The following OSBPL5 variants were observed in gnomAD, a reference collection of about 807,000 sequenced individuals.
OSBPL5 encodes oxysterol-binding protein-related protein 5.
In OSBPL5, 71 loss-of-function variants were observed where a neutral mutation model predicts 111.2. That is an observed-to-expected ratio of 0.64 (90% CI 0.53 to 0.78). The LOEUF (loss-of-function observed/expected upper bound fraction) is 0.78, where lower values mean the gene tolerates loss of function less well. Among genes scored for constraint, OSBPL5 ranks in the 30% least tolerant of loss-of-function variants. The probability of loss-of-function intolerance (pLI) is 0.00; values close to 1 mark genes in which losing one functional copy is unlikely to be tolerated. For synonymous variants in OSBPL5, 549 were observed against 513.9 expected (o/e 1.07, Z -0.93); for missense variants, 1,210 against 1,189.3 (o/e 1.02, Z -0.26).
At chr11:3,100,595 G>C (rs959067201) in intron 13 of OSBPL5, among the ~76,000 whole-genome samples, 32 of 152,164 alleles carry the variant, frequency 2.1e-4, no homozygotes, top group Non-Finnish European at 4.0e-4. Flanking sequence ...CCTGTGGAGG[G>C]AGTACGCCTC....
intron 3 of OSBPL5, among the ~76,000 whole-genome samples, chr11:3,125,465 G>A (rs1343180201): frequency 6.6e-6 from 1 of 152,202 alleles, no homozygotes; most frequent in Non-Finnish European, 1.5e-5. Flanking sequence ...CATTAGAGAT[G>A]CAAACTGAAG....
chr11:3,159,675 C>T (rs781193931), intron 1 of OSBPL5, among the ~76,000 whole-genome samples: 19 of 152,282 alleles, frequency 1.2e-4, no homozygotes, highest in Middle Eastern at 6.8e-3. Flanking sequence ...AGACAGGGTG[C>T]ACCTGGGGAG....
rs1846994638 is a variant in OSBPL5 at position 3,162,466 on chromosome 11, T to G, written c.-22+2750A>C. Among the ~76,000 whole-genome samples, 1 of 151,858 alleles carries G rather than the reference T, an allele frequency of 6.6e-6. No individual in the cohort carries two copies. Among genetic ancestry groups the G allele is most frequent in the Non-Finnish European group, 1.5e-5 (1 of 67,958 alleles). ...CACAGCTGGTGCCCACTCCGCTTAG[T>G]GTAGATGCCAGCACAAGGCAATCTC... On this transcript the variant is annotated intron_variant, in intron 1 of 21. Transcript: ENST00000263650. The surrounding 1 kb of genome is among the most constrained non-coding windows in gnomAD (Gnocchi z 8.1).
chr11:3,149,622 G>A (rs978757098), intron 1 of OSBPL5, among the ~76,000 whole-genome samples: 4 of 152,242 alleles, frequency 2.6e-5, no homozygotes, highest in Non-Finnish European at 5.9e-5. Context: ...CTTTTGATCT[G>A]ATTTGGTCCT....
rs942616991 is a variant in OSBPL5, at chr11:3,146,532, C to T, written c.-21-17363G>A. ...CCTGCCTGTGGGCACGGCTGTTGGACCCTGTCACGGCATGGCTGGGACGAG... is the reference window on the plus strand; with the variant it reads ...CCTGCCTGTGGGCACGGCTGTTGGATCCTGTCACGGCATGGCTGGGACGAG... On this transcript the variant is annotated intron_variant, in intron 1 of 21. Transcript: ENST00000263650. This position sits in a 1 kb window ranked among gnomAD's most constrained non-coding sequence, Gnocchi z 7.8. 3.3e-5 allele frequency: 5 copies of T among 152,166 alleles called. No homozygotes were observed. Among genetic ancestry groups the T allele is most frequent in the Admixed American group, 1.3e-4 (2 of 15,272 alleles). The allele number at this position is 152,166 out of a possible 1,614,324, so 9.4% of individuals were successfully genotyped here.
intron 6 of OSBPL5, chr11:3,120,039 G>C (rs1590677874): frequency 2.4e-6 from 1 of 416,640 alleles, no homozygotes; most frequent in East Asian, 4.5e-5. Context: ...AAATCCAAAT[G>C]TAACCAGGTG....
At chr11:3,125,963 C>G (rs1858608743) in intron 3 of OSBPL5, among the ~76,000 whole-genome samples, 2 of 152,174 alleles carry the variant, frequency 1.3e-5, no homozygotes, top group South Asian at 4.1e-4. Flanking sequence ...GCCTGGGTGA[C>G]AGAGGGAGAC....
At position 3,140,140 on chromosome 11, in the gene OSBPL5, C is replaced by A. The variant is rs1195961309; in HGVS notation, c.-21-10971G>T. ...GCAGAGGAGAACCCGGCCAAGGTCCCCCAAATTGCAGCCACCATCTCGGGC... is the reference window on the plus strand; with the variant it reads ...GCAGAGGAGAACCCGGCCAAGGTCCACCAAATTGCAGCCACCATCTCGGGC... On this transcript the variant is annotated intron_variant, in intron 1 of 21. Transcript: ENST00000263650. The surrounding 1 kb of genome is among the most constrained non-coding windows in gnomAD (Gnocchi z 4.5). Among the ~76,000 whole-genome samples the A allele has an allele frequency of 6.6e-6, 1 of 152,224 alleles. No individual in the cohort carries two copies. The highest frequency in any genetic ancestry group is 1.5e-5 in the Non-Finnish European group (1 of 68,028).
In OSBPL5 at chr11:3,146,943, A is replaced by T. The variant is rs1355153760; in HGVS notation, c.-21-17774T>A. Among the ~76,000 whole-genome samples the T allele has an allele frequency of 6.6e-6, 1 of 152,148 alleles. No homozygotes were observed. The highest frequency in any genetic ancestry group is 2.4e-5 in the African/African-American group (1 of 41,440). ...GGGGCTGGGATTTTAGAGGTGGCTC[A>T]GCTGAGGGCACGGGGGCCTTGGCAG... On this transcript the variant is annotated intron_variant, in intron 1 of 21. Coordinates refer to ENST00000263650, the MANE Select transcript of OSBPL5 (RefSeq NM_020896.4). The surrounding 1 kb of genome is among the most constrained non-coding windows in gnomAD (Gnocchi z 7.8).
intron 1 of OSBPL5, among the ~76,000 whole-genome samples, chr11:3,149,362 G>T (rs1846485297): frequency 6.6e-6 from 1 of 152,230 alleles, no homozygotes; most frequent in African/African-American, 2.4e-5. Flanking sequence ...CTATCTGGTG[G>T]CCAGGAAAGG....
Position 3,124,793 on chromosome 11 carries a change from C to CGAATGAAT in OSBPL5, c.219+1672_219+1679dup, listed in dbSNP as rs1212960836. 2.9e-3 allele frequency among the ~76,000 whole-genome samples: 347 copies of CGAATGAAT among 119,172 alleles called. 4 individuals are homozygous for CGAATGAAT. The highest frequency in any genetic ancestry group is 0.015 in the Admixed American group (173 of 11,610). The allele number at this position is 119,172 out of a possible 152,430, so 78.2% of individuals were successfully genotyped here. A position where few individuals can be genotyped will look rare whatever the true frequency, so the allele number is the denominator to read the frequency against. ...GCAGCTGGGGGCTTAGCAAGCATCTCGAATGAATGAATGGATGAATGGATG... is the reference window on the plus strand; with the variant it reads ...GCAGCTGGGGGCTTAGCAAGCATCTCGAATGAATGAATGAATGAATGGATGAATGGATG... On this transcript the variant is annotated intron_variant, in intron 3 of 21. Transcript: ENST00000263650.
chr11:3,120,388 G>C, intron 6 of OSBPL5, 33 bp downstream of exon 6: 4 of 1,593,936 alleles, frequency 2.5e-6, no homozygotes, highest in Non-Finnish European at 3.4e-6. Context: ...GCCCTACGGG[G>C]CCTCTGTCTT....
rs762218026 is a variant in OSBPL5 at position 3,120,602 on chromosome 11, C to T, written c.425G>A (p.Trp142Ter). The change falls in exon 6 of 22, where the codon TGG becomes TAG. Residue 142 changes from tryptophan (W) to a stop codon, truncating the protein, a stop_gained. Transcript: ENST00000263650. LOFTEE classifies it high-confidence loss of function. The stretch of plus-strand genomic sequence containing the variant: ...CTTCAGCACGCACCACAGCTTGGTC[C>T]AGCTCTTCAGGGTGCCGCGGATCTG... ...SLKIRGTLKS[W>*]TKLWCVLKPG... 6.2e-7 allele frequency: 1 copy of T among 1,613,032 alleles called. No homozygotes were observed. The highest frequency in any genetic ancestry group is 1.1e-5 in the South Asian group (1 of 91,080).
intron 7 of OSBPL5, among the ~76,000 whole-genome samples, chr11:3,115,874 T>TTTC (rs1858191025): frequency 3.4e-5 from 1 of 29,030 alleles, no homozygotes; most frequent in African/African-American, 3.1e-4. Context: ...GGCTTTTGCC[T>TTTC]TTTTTTTTTT....
rs1256423701 is a variant in OSBPL5 at position 3,142,705 on chromosome 11, CT to C, written c.-21-13537del. On this transcript the variant is annotated intron_variant, in intron 1 of 21. Coordinates refer to ENST00000263650, the MANE Select transcript of OSBPL5 (RefSeq NM_020896.4). The surrounding 1 kb of genome is among the most constrained non-coding windows in gnomAD (Gnocchi z 7.1). ...CCCACTCAGGTGGAGACCTGTCCCT[CT>C]GTCTCCGTGTCCGCGGGGCCCGGCA... Among the ~76,000 whole-genome samples, 2 of 152,158 alleles carry C rather than the reference CT, an allele frequency of 1.3e-5. No individual in the cohort carries two copies. Among genetic ancestry groups the C allele is most frequent in the African/African-American group, 4.8e-5 (2 of 41,434 alleles).
At chr11:3,152,010 G>A (rs1846608065) in intron 1 of OSBPL5, among the ~76,000 whole-genome samples, 2 of 152,242 alleles carry the variant, frequency 1.3e-5, no homozygotes, top group South Asian at 4.1e-4. Context: ...CAGTACAGGT[G>A]GCCTTCACCA....
rs757949884 is a variant in OSBPL5, at chr11:3,104,149, A to G, written c.1244+44T>C. The G allele has an allele frequency of 1.1e-5, 17 of 1,566,920 alleles. No homozygotes were observed. In the Admixed American group the frequency reaches 2.1e-4, roughly 19 times the overall value. Reference sequence around the variant, plus strand: ...GGGGGTGCTGCAGGGTCTCATGCAGATGCAGGACGAGGTGTGGGGTGCCCC... The same window carrying G: ...GGGGGTGCTGCAGGGTCTCATGCAGGTGCAGGACGAGGTGTGGGGTGCCCC... On this transcript the variant is annotated intron_variant, in intron 10 of 21. Transcript: ENST00000263650. The surrounding 1 kb of genome is among the most constrained non-coding windows in gnomAD (Gnocchi z 5.0).
At position 3,141,765 on chromosome 11, in the gene OSBPL5, G is replaced by C. The variant is rs1465698759; in HGVS notation, c.-21-12596C>G. On this transcript the variant is annotated intron_variant, in intron 1 of 21. Transcript: ENST00000263650. This position sits in a 1 kb window ranked among gnomAD's most constrained non-coding sequence, Gnocchi z 6.5. ...CCCTGGGCACAGGATGCTAAATGGG[G>C]TGACAGTAGGAACACCCACCCCCCA... Among the ~76,000 whole-genome samples the C allele has an allele frequency of 1.3e-5, 2 of 152,118 alleles. No individual in the cohort carries two copies. Among genetic ancestry groups the C allele is most frequent in the Non-Finnish European group, 2.9e-5 (2 of 68,014 alleles).
chr11:3,097,340 G>A (rs1045494579), intron 14 of OSBPL5, among the ~76,000 whole-genome samples: 8 of 152,018 alleles, frequency 5.3e-5, no homozygotes, highest in Non-Finnish European at 8.8e-5. Context: ...CAGAAAGGCC[G>A]TTCATTCCAG....
Sources: allele counts gnomAD v4.1 joint callset (sites outside exome capture counted in the v4.1 genomes callset), GRCh38; gene constraint gnomAD v4.1.1; non-coding constraint Gnocchi (gnomAD v3.1); transcripts MANE v1.5; gene names NCBI Gene and HGNC (gene_info 2026-07-23, HGNC 2026-07-21).